Variants in RSBN1L observed in about 807,000 individuals in gnomAD.
The protein encoded by RSBN1L is lysine-specific demethylase RSBN1L.
A neutral mutation model predicts 67.7 loss-of-function variants in RSBN1L; 30 were observed. The observed-to-expected ratio is 0.44, with a 90% confidence interval of 0.33 to 0.60. The LOEUF (loss-of-function observed/expected upper bound fraction) is 0.60, where lower values mean the gene tolerates loss of function less well. RSBN1L is among the 20% of genes least tolerant of loss of function. RSBN1L has a pLI of 0.02. For synonymous variants in RSBN1L, 433 were observed against 387.0 expected (o/e 1.12, Z -1.39); for missense variants, 992 against 1,031.7 (o/e 0.96, Z 0.53).
chr7:77,710,530 G>A (rs1364033265), intron 1 of RSBN1L, among the ~76,000 whole-genome samples: 1 of 152,094 alleles, frequency 6.6e-6, no homozygotes. Context: ...GCTCCTCTAT[G>A]ACTAGGTTAG....
At chr7:77,699,294 C>T (rs1032176928) in intron 1 of RSBN1L, among the ~76,000 whole-genome samples, 9 of 152,130 alleles carry the variant, frequency 5.9e-5, no homozygotes, top group African/African-American at 2.2e-4. Context: ...GAGATTCTCC[C>T]TCAACAAAAC....
At position 77,778,320 on chromosome 7, in the gene RSBN1L, T is replaced by C. The variant is rs780829830; in HGVS notation, c.1794-18T>C. 22 of 1,543,146 alleles carry C rather than the reference T, an allele frequency of 1.4e-5. No homozygotes were observed. Among genetic ancestry groups the C allele is most frequent in the African/African-American group, 2.8e-5 (2 of 72,208 alleles). On this transcript the variant is annotated intron_variant, in intron 6 of 7. Coordinates refer to ENST00000334955, the MANE Select transcript of RSBN1L (RefSeq NM_198467.3). ...AAGCATTTATGGCAGATTCTTGTTA[T>C]CTCGTTTTCTTTTTTAGGCCTGATC...
intron 1 of RSBN1L, among the ~76,000 whole-genome samples, chr7:77,727,364 G>A (rs1791218104): frequency 6.6e-6 from 1 of 152,150 alleles, no homozygotes; most frequent in South Asian, 2.1e-4. Context: ...TGGGATTACA[G>A]GCGTGAGCCA....
At chr7:77,754,868 C>T (rs965728243) in intron 3 of RSBN1L, among the ~76,000 whole-genome samples, 14 of 151,854 alleles carry the variant, frequency 9.2e-5, no homozygotes, top group African/African-American at 3.4e-4. Flanking sequence ...GATCCTGTCT[C>T]AAAGAAAACC....
intron 2 of RSBN1L, among the ~76,000 whole-genome samples, chr7:77,739,569 C>T (rs911330448): frequency 3.3e-5 from 5 of 150,712 alleles, no homozygotes; most frequent in Admixed American, 1.3e-4. Context: ...AAAAATTAGC[C>T]GGGCGTGGTG....
At chr7:77,761,543 T>C (rs1410829029) in intron 3 of RSBN1L, among the ~76,000 whole-genome samples, 3 of 152,212 alleles carry the variant, frequency 2.0e-5, no homozygotes, top group African/African-American at 2.4e-5. Context: ...TATATAGTTT[T>C]GCAACAAAAG....
At chr7:77,762,373 G>GA (rs981975411) in intron 3 of RSBN1L, among the ~76,000 whole-genome samples, 5 of 152,052 alleles carry the variant, frequency 3.3e-5, no homozygotes, top group Non-Finnish European at 5.9e-5. Context: ...GAGAATGGGG[G>GA]AAAAATCGGT....
chr7:77,757,856 T>G (rs1189459425), intron 3 of RSBN1L, among the ~76,000 whole-genome samples: 2 of 152,176 alleles, frequency 1.3e-5, no homozygotes, highest in Non-Finnish European at 2.9e-5. Context: ...TGTACAAGCT[T>G]CTGCTTGTGT....
intron 6 of RSBN1L, among the ~76,000 whole-genome samples, chr7:77,776,856 G>A (rs1421643415): frequency 6.6e-6 from 1 of 151,330 alleles, no homozygotes; most frequent in Non-Finnish European, 1.5e-5. Context: ...TTTTAATCCA[G>A]TGACAATCTC....
intron 3 of RSBN1L, among the ~76,000 whole-genome samples, chr7:77,752,773 G>A (rs1791570619): frequency 6.6e-6 from 1 of 152,102 alleles, no homozygotes; most frequent in South Asian, 2.1e-4. Flanking sequence ...AACCATCCCC[G>A]AACCCTTCTT....
intron 1 of RSBN1L, among the ~76,000 whole-genome samples, chr7:77,712,399 G>A (rs1244526521): frequency 1.3e-5 from 2 of 151,512 alleles, no homozygotes; most frequent in African/African-American, 4.9e-5. Context: ...TCCTGCCTCT[G>A]CCTCCTGAGT....
At position 77,782,231 on chromosome 7, in the gene RSBN1L, C is replaced by T. The variant is rs777542008; in HGVS notation, c.*3063C>T. On this transcript the variant is annotated 3_prime_UTR_variant, in exon 8 of 8. Transcript: ENST00000334955. ...TTCCAGTTCTTTATCTGAATACAAG[C>T]GTTTTGCTTTTATTTCCAGTTTCTT... is the stretch of plus-strand genomic sequence containing the variant. 39 of 152,106 alleles carry T rather than the reference C, an allele frequency of 2.6e-4. No individual in the cohort carries two copies. Among genetic ancestry groups the T allele is most frequent in the African/African-American group, 8.9e-4 (37 of 41,494 alleles). The allele number at this position is 152,106 out of a possible 1,614,324, so 9.4% of individuals were successfully genotyped here.
At chr7:77,758,890 C>G (rs139921898) in intron 3 of RSBN1L, among the ~76,000 whole-genome samples, 1 of 152,254 alleles carries the variant, frequency 6.6e-6, no homozygotes, top group African/African-American at 2.4e-5. Context: ...TACTCTGGAA[C>G]CCTGTACTAA....
chr7:77,750,017 G>A lies in RSBN1L; in HGVS notation c.1297G>A (p.Gly433Arg). 6.2e-7 allele frequency: 1 copy of A among 1,612,728 alleles called. No homozygotes were observed. Among genetic ancestry groups the A allele is most frequent in the South Asian group, 1.1e-5 (1 of 90,842 alleles). Residue 433 changes from glycine to arginine, a missense_variant, in exon 3 of 8, where the codon GGA becomes AGA. Physicochemically the swap from Gly to Arg is moderately radical, Grantham distance 125. This residue lies in a region of RSBN1L where 63 missense variants were observed against 84.8 expected (regional missense o/e 0.74). Transcript: ENST00000334955. Reference protein sequence around the residue: ...PNSPVKMEILGKKDIETTTMS... With the variant: ...PNSPVKMEILRKKDIETTTMS... The stretch of plus-strand genomic sequence containing the variant: ...TTCACCAGTGAAAATGGAGATATTG[G>A]GAAAGAAAGATATAGAGACAACGAC...
intron 2 of RSBN1L, 138 bp from the exon 3 acceptor site, chr7:77,749,286 C>T: frequency 1.6e-6 from 1 of 644,252 alleles, no homozygotes; most frequent in South Asian, 2.5e-5. Context: ...ATTATCAATT[C>T]TGTAAAAAAT....
chr7:77,742,729 C>T (rs1225774743), intron 2 of RSBN1L, among the ~76,000 whole-genome samples: 1 of 152,124 alleles, frequency 6.6e-6, no homozygotes, highest in Non-Finnish European at 1.5e-5. Context: ...TCCAGCTACT[C>T]AGTTGGCCGA....
intron 1 of RSBN1L, among the ~76,000 whole-genome samples, chr7:77,703,151 T>C (rs1337186778): frequency 1.3e-5 from 2 of 152,178 alleles, no homozygotes; most frequent in African/African-American, 2.4e-5. Context: ...TACCAGCATT[T>C]CACTTCTCTT....
chr7:77,777,083 C>T (rs1337980871), intron 6 of RSBN1L, among the ~76,000 whole-genome samples: 1 of 151,338 alleles, frequency 6.6e-6, no homozygotes, highest in Non-Finnish European at 1.5e-5. Flanking sequence ...GTATTGTCAA[C>T]TTACCACAAT....
intron 3 of RSBN1L, among the ~76,000 whole-genome samples, chr7:77,765,047 A>G (rs1791744142): frequency 6.6e-6 from 1 of 152,242 alleles, no homozygotes; most frequent in East Asian, 1.9e-4. Flanking sequence ...TTTTAGTCAT[A>G]TAAGCCACTG....
Sources: allele counts gnomAD v4.1 joint callset (sites outside exome capture counted in the v4.1 genomes callset), GRCh38; gene constraint gnomAD v4.1.1; regional missense constraint gnomAD v4.1.1; transcripts MANE v1.5; gene names NCBI Gene and HGNC (gene_info 2026-07-23, HGNC 2026-07-21).